The following EDRF1 variants were observed in gnomAD, a reference collection of about 807,000 sequenced individuals.
EDRF1 encodes the protein erythroid differentiation regulatory factor 1.
Under a neutral mutation model 148.7 loss-of-function variants are expected in EDRF1, and 69 were observed. The ratio of observed to expected loss-of-function variants is 0.46; its 90% CI spans 0.38 to 0.57. EDRF1 has a LOEUF of 0.57. Ranked by LOEUF, EDRF1 falls within the 20% of genes least tolerant of loss-of-function variation. The probability of loss-of-function intolerance (pLI) is 0.00; values close to 1 mark genes in which losing one functional copy is unlikely to be tolerated. For missense variants in EDRF1, 1,118 were observed against 1,478.7 expected (o/e 0.76, Z 4.00); for synonymous variants, 515 against 532.8 (o/e 0.97, Z 0.46).
At chr10:125,734,319 G>A in intron 12 of EDRF1, 136 bp downstream of exon 12, 1 of 716,850 alleles carries the variant, frequency 1.4e-6, no homozygotes, top group South Asian at 1.5e-5. Context: ...ACATGTGGCT[G>A]TTGATCACTT....
chr10:125,727,150 C>T (rs1848293788), intron 6 of EDRF1, among the ~76,000 whole-genome samples: 1 of 152,092 alleles, frequency 6.6e-6, no homozygotes, highest in African/African-American at 2.4e-5. Context: ...GGGCTTAAAC[C>T]CAGATCTTTC....
At chr10:125,756,621 A>C (rs2133763102) in intron 24 of EDRF1, among the ~76,000 whole-genome samples, 1 of 152,310 alleles carries the variant, frequency 6.6e-6, no homozygotes, top group Non-Finnish European at 1.5e-5. Flanking sequence ...TCTGTTAGGT[A>C]CACACACGTA....
intron 2 of EDRF1, among the ~76,000 whole-genome samples, chr10:125,721,843 A>T (rs1848021967): frequency 6.6e-6 from 1 of 152,138 alleles, no homozygotes; most frequent in Non-Finnish European, 1.5e-5. Context: ...AAAACCCAGC[A>T]TGTTGGGTGA....
At chr10:125,722,288 A>G (rs1589815355) in intron 2 of EDRF1, among the ~76,000 whole-genome samples, 1 of 152,338 alleles carries the variant, frequency 6.6e-6, no homozygotes, top group East Asian at 1.9e-4. Flanking sequence ...GCAAGTATTT[A>G]TATGCTTATC....
rs1848626310 is a variant in EDRF1, at chr10:125,734,292, G to T, written c.1497+109G>T. The T allele has an allele frequency of 6.0e-6, 5 of 838,634 alleles. No homozygotes were observed. In the East Asian group the frequency reaches 1.0e-4, roughly 17 times the overall value. 51.9% of individuals were successfully genotyped at this position (838,634 alleles called of 1,614,324 possible). ...TCATATTCCGTAACTGCCCTATTCA[G>T]TGTGGTAGCCATTAGCACATGTGGC... On this transcript the variant is annotated intron_variant, in intron 12 of 24. Transcript: ENST00000356792.
intron 9 of EDRF1, among the ~76,000 whole-genome samples, chr10:125,731,434 A>C (rs1341887249): frequency 6.6e-6 from 1 of 152,224 alleles, no homozygotes; most frequent in Non-Finnish European, 1.5e-5. Context: ...CTGGATTTTA[A>C]AAGTCTAGTG....
rs201587555 is a variant in EDRF1, at chr10:125,725,741, C to G, written c.695C>G (p.Ser232Cys). Residue 232 changes from serine to cysteine, a missense_variant, in exon 6 of 25, where the codon TCC becomes TGC. By Grantham distance (112) the Ser-to-Cys change is moderately radical. Around this residue, in one of 3 missense-constraint regions of EDRF1, gnomAD observed 954 missense variants for 1,241.4 expected, o/e 0.77. Coordinates refer to ENST00000356792, the MANE Select transcript of EDRF1 (RefSeq NM_001202438.2). ...VSSTAEQQES[S>C]SSDQTNDSEG... ...TCCACCGCAGAACAGCAGGAATCGT[C>G]CAGTTCAGATCAGACAAATGATTCG... The G allele has an allele frequency of 3.1e-5, 50 of 1,614,124 alleles. No individual in the cohort carries two copies. The East Asian group carries it at 1.1e-3, about 36-fold the overall frequency.
Position 125,753,965 on chromosome 10 carries a change from C to T in EDRF1, c.3545+120C>T, listed in dbSNP as rs144524900. On this transcript the variant is annotated intron_variant, in intron 24 of 24. Coordinates refer to ENST00000356792, the MANE Select transcript of EDRF1 (RefSeq NM_001202438.2). ...GCACATTGGCTCACACCTGCAATCC[C>T]AGCACTTTGGGAGGCCAAGGCAGGC... 4.5e-4 allele frequency: 506 copies of T among 1,126,022 alleles called. 7 individuals carry two copies. In the East Asian group the frequency reaches 8.8e-3, roughly 20 times the overall value. 69.8% of individuals were successfully genotyped at this position (1,126,022 alleles called of 1,614,324 possible).
At chr10:125,722,844 A>C (rs1403603753) in intron 2 of EDRF1, among the ~76,000 whole-genome samples, 2 of 152,182 alleles carry the variant, frequency 1.3e-5, no homozygotes, top group East Asian at 3.8e-4. Context: ...ACCATGTTTT[A>C]TCAAATCTAA....
intron 1 of EDRF1, among the ~76,000 whole-genome samples, chr10:125,720,231 A>C (rs1299555895): frequency 6.6e-6 from 1 of 152,180 alleles, no homozygotes; most frequent in Non-Finnish European, 1.5e-5. Flanking sequence ...GCCGAGAATG[A>C]GACCGAACTA....
intron 13 of EDRF1, among the ~76,000 whole-genome samples, chr10:125,737,192 C>G (rs771191574): frequency 4.6e-5 from 7 of 152,082 alleles, no homozygotes; most frequent in Non-Finnish European, 1.0e-4. Flanking sequence ...CATGGACTTA[C>G]GGGGCAATTA....
chr10:125,725,472 G>C (rs1000736586), intron 5 of EDRF1, 30 bp downstream of exon 5: 5 of 1,612,542 alleles, frequency 3.1e-6, no homozygotes. Context: ...TCTCTAAAGA[G>C]AAAAAGGGAA....
At position 125,719,722 on chromosome 10, in the gene EDRF1, T is replaced by G; in HGVS notation, c.-86T>G. ...GACCGGAAGTGCGGTCCGCGGAGCG[T>G]CTCTGGCGCTTACCCTGCTTTGGGC... On this transcript the variant is annotated 5_prime_UTR_variant, in exon 1 of 25. Transcript: ENST00000356792. 9.8e-7 allele frequency: 1 copy of G among 1,020,572 alleles called. No homozygotes were observed. Among genetic ancestry groups the G allele is most frequent in the Non-Finnish European group, 1.4e-6 (1 of 699,864 alleles). The allele number at this position is 1,020,572 out of a possible 1,614,324, so 63.2% of individuals were successfully genotyped here.
At position 125,729,322 on chromosome 10, in the gene EDRF1, A is replaced by C. The variant is rs781528050; in HGVS notation, c.895-36A>C. Reference sequence around the variant, plus strand: ...GATCATGGGGGGAAATTACAGATTGACTGTTTATTATAATCCTCCCTATTT... The same window carrying C: ...GATCATGGGGGGAAATTACAGATTGCCTGTTTATTATAATCCTCCCTATTT... On this transcript the variant is annotated intron_variant, in intron 7 of 24. Coordinates refer to ENST00000356792, the MANE Select transcript of EDRF1 (RefSeq NM_001202438.2). The C allele has an allele frequency of 5.0e-6, 8 of 1,608,318 alleles. No homozygotes were observed. The South Asian group carries it at 6.6e-5, about 13-fold the overall frequency.
intron 24 of EDRF1, among the ~76,000 whole-genome samples, chr10:125,757,345 C>T (rs1849953342): frequency 1.3e-5 from 2 of 152,222 alleles, no homozygotes; most frequent in South Asian, 4.1e-4. Flanking sequence ...TACTGCTTTA[C>T]ATGTACTGTA....
chr10:125,753,412 G>T (rs111678963), intron 23 of EDRF1, among the ~76,000 whole-genome samples: 1 of 152,138 alleles, frequency 6.6e-6, no homozygotes, highest in Non-Finnish European at 1.5e-5. Flanking sequence ...TGCTCTTCTA[G>T]CCCTGCTTGG....
chr10:125,753,037 T>C (rs1849718779), intron 23 of EDRF1, 123 bp downstream of exon 23: 2 of 717,000 alleles, frequency 2.8e-6, no homozygotes, highest in Admixed American at 2.1e-5. Flanking sequence ...ATGTATGCTA[T>C]GCACTAAAAC....
intron 24 of EDRF1, among the ~76,000 whole-genome samples, chr10:125,762,533 A>G (rs972234759): frequency 6.6e-6 from 1 of 152,106 alleles, no homozygotes; most frequent in Non-Finnish European, 1.5e-5. Context: ...CCACGTAATT[A>G]CTAGTCTTTT....
intron 24 of EDRF1, chr10:125,761,175 G>A (rs952555480): frequency 2.9e-5 from 11 of 373,310 alleles, no homozygotes; most frequent in African/African-American, 1.7e-4. Flanking sequence ...TATAGAATTA[G>A]AGTGAAAGAT....
Sources: gnomAD v4.1 joint callset for allele counts (sites outside exome capture counted in the v4.1 genomes callset) on GRCh38, gnomAD v4.1.1 for gene constraint, gnomAD v4.1.1 regional missense constraint, MANE v1.5 for transcripts, NCBI Gene and HGNC (gene_info 2026-07-23, HGNC 2026-07-21) for gene names.